Variants in NAALADL2 observed in about 807,000 individuals in gnomAD.
NAALADL2 encodes the protein N-acetylated alpha-linked acidic dipeptidase like 2, also known as inactive N-acetylated-alpha-linked acidic dipeptidase-like protein 2.
NAALADL2 carries 76 observed loss-of-function variants against 87.2 expected under a neutral mutation model. The ratio of observed to expected loss-of-function variants is 0.87; its 90% CI spans 0.72 to 1.05. NAALADL2 has a LOEUF of 1.05. Ranked by LOEUF, NAALADL2 falls within the 50% of genes least tolerant of loss-of-function variation. NAALADL2 has a pLI of 0.00. For missense variants in NAALADL2, 1,089 were observed against 945.8 expected (o/e 1.15, Z -1.99); for synonymous variants, 354 against 331.0 (o/e 1.07, Z -0.75).
chr3:175,046,834 A>T (rs1754735858), intron 1 of NAALADL2, among the ~76,000 whole-genome samples: 1 of 152,158 alleles, frequency 6.6e-6, no homozygotes, highest in South Asian at 2.1e-4. Flanking sequence ...AACGTAGTGA[A>T]AGCCAGCAAC....
intron 2 of NAALADL2, among the ~76,000 whole-genome samples, chr3:175,199,586 C>T (rs1008997887): frequency 1.3e-5 from 2 of 151,406 alleles, no homozygotes; most frequent in Non-Finnish European, 2.9e-5. Flanking sequence ...GTATTTGTTA[C>T]GTGAATGACT....
intron 5 of NAALADL2, among the ~76,000 whole-genome samples, chr3:175,417,789 C>CTGA (rs1316594099): frequency 3.9e-5 from 6 of 152,144 alleles, no homozygotes; most frequent in African/African-American, 1.4e-4. Flanking sequence ...ACCCAACATT[C>CTGA]TGATATTTAT....
chr3:174,901,934 A>G (rs1732365324), intron 1 of NAALADL2, among the ~76,000 whole-genome samples: 1 of 152,222 alleles, frequency 6.6e-6, no homozygotes, highest in Non-Finnish European at 1.5e-5. Flanking sequence ...ATGTTCTCTC[A>G]AATGATCCTC....
chr3:174,642,330 G>A (rs926543119), intron 2 of NAALADL2, among the ~76,000 whole-genome samples: 15 of 151,588 alleles, frequency 9.9e-5, no homozygotes, highest in Non-Finnish European at 1.8e-4. Flanking sequence ...GTGAAACCCC[G>A]TCTCTACTAA....
intron 9 of NAALADL2, among the ~76,000 whole-genome samples, chr3:175,513,878 G>T (rs1731493836): frequency 6.6e-6 from 1 of 152,184 alleles, no homozygotes; most frequent in Non-Finnish European, 1.5e-5. Flanking sequence ...TATAATAGGT[G>T]GTCAGGCAGA....
intron 3 of NAALADL2, among the ~76,000 whole-genome samples, chr3:174,838,736 A>C (rs1266066193): frequency 1.3e-5 from 2 of 152,054 alleles, no homozygotes; most frequent in African/African-American, 4.8e-5. Flanking sequence ...AACTCAACAC[A>C]TTTTACAATA....
chr3:175,422,422 A>G (rs551087182), intron 5 of NAALADL2, among the ~76,000 whole-genome samples: 3 of 152,200 alleles, frequency 2.0e-5, no homozygotes, highest in African/African-American at 7.2e-5. Flanking sequence ...TTAAACTACT[A>G]CAGTGTCTTT....
At chr3:175,784,339 A>C (rs1230332426) in intron 13 of NAALADL2, among the ~76,000 whole-genome samples, 30 of 152,016 alleles carry the variant, frequency 2.0e-4, no homozygotes, top group African/African-American at 4.8e-4. Context: ...GTCCTGGACT[A>C]TTTTTGGTTG....
At chr3:175,187,488 A>G (rs1204879714) in intron 2 of NAALADL2, among the ~76,000 whole-genome samples, 2 of 152,018 alleles carry the variant, frequency 1.3e-5, no homozygotes, top group African/African-American at 2.4e-5. Flanking sequence ...TGTTTTCCTC[A>G]AGCTTTTATT....
At chr3:174,651,149 T>A (rs112251135) in intron 2 of NAALADL2, among the ~76,000 whole-genome samples, 7 of 152,328 alleles carry the variant, frequency 4.6e-5, no homozygotes, top group African/African-American at 1.7e-4. Flanking sequence ...TGAAAACTAT[T>A]GTTCATGGAA....
Position 175,447,317 on chromosome 3 carries a change from G to T in NAALADL2, c.1179G>T (p.Ser393=), listed in dbSNP as rs1346275301. The stretch of plus-strand genomic sequence containing the variant: ...CCCTCGTTGCAAAACTGATCTCTTC[G>T]CCAAAAGCTAGAACCAAAAATGAAG... ...SAPLVAKLIS[S]PKARTKNEAC... The change falls in exon 6 of 14, where the codon TCG becomes TCT. Residue 393 remains serine, a synonymous_variant. Coordinates refer to ENST00000454872, the MANE Select transcript of NAALADL2 (RefSeq NM_207015.3). 3.1e-6 allele frequency: 5 copies of T among 1,603,188 alleles called. No individual in the cohort carries two copies. The highest frequency in any genetic ancestry group is 3.4e-5 in the Admixed American group (2 of 58,456).
chr3:175,737,466 A>G, intron 12 of NAALADL2, 67 bp downstream of exon 12: 3 of 941,138 alleles, frequency 3.2e-6, no homozygotes, highest in Non-Finnish European at 5.2e-6. Context: ...TCAACAAGGA[A>G]TGGATGAAGT....
At chr3:174,873,273 T>C (rs1728080012) in intron 1 of NAALADL2, among the ~76,000 whole-genome samples, 1 of 141,406 alleles carries the variant, frequency 7.1e-6, no homozygotes, top group Non-Finnish European at 1.5e-5. Context: ...TTATTTATTT[T>C]AGACGGAGTC....
chr3:174,695,037 A>G (rs981187042), intron 2 of NAALADL2, among the ~76,000 whole-genome samples: 76 of 152,180 alleles, frequency 5.0e-4, no homozygotes, highest in African/African-American at 1.8e-3. Flanking sequence ...TAAGTACATA[A>G]GAATGTGATA....
At chr3:174,474,290 T>C (rs1717086459) in intron 1 of NAALADL2, among the ~76,000 whole-genome samples, 1 of 152,188 alleles carries the variant, frequency 6.6e-6, no homozygotes, top group African/African-American at 2.4e-5. Context: ...ATGAACAAAG[T>C]TGAAATTAAG....
At chr3:175,012,296 G>A (rs1749935030) in intron 1 of NAALADL2, among the ~76,000 whole-genome samples, 1 of 151,904 alleles carries the variant, frequency 6.6e-6, no homozygotes. Flanking sequence ...TCCTGAGTAG[G>A]TGGGATTACA....
intron 5 of NAALADL2, among the ~76,000 whole-genome samples, chr3:175,351,319 T>C (rs929042298): frequency 6.6e-6 from 1 of 152,098 alleles, no homozygotes; most frequent in African/African-American, 2.4e-5. Flanking sequence ...TGTTCATGTG[T>C]ATATGATAAA....
intron 2 of NAALADL2, among the ~76,000 whole-genome samples, chr3:175,100,612 C>T (rs1422581859): frequency 5.9e-5 from 9 of 151,926 alleles, no homozygotes; most frequent in African/African-American, 1.9e-4. Flanking sequence ...CCAAGGAGGG[C>T]GGATCACCTG....
At chr3:175,019,785 T>C (rs1751335895) in intron 1 of NAALADL2, among the ~76,000 whole-genome samples, 1 of 152,206 alleles carries the variant, frequency 6.6e-6, no homozygotes, top group African/African-American at 2.4e-5. Flanking sequence ...CCGTATCAAA[T>C]GTCACTCAGT....
Sources: allele counts gnomAD v4.1 joint callset (sites outside exome capture counted in the v4.1 genomes callset), GRCh38; gene constraint gnomAD v4.1.1; transcripts MANE v1.5; gene names NCBI Gene and HGNC (gene_info 2026-07-23, HGNC 2026-07-21).